SRGAP3: variants seen among roughly 807,000 people sequenced by gnomAD.
The protein encoded by SRGAP3 is SLIT-ROBO Rho GTPase-activating protein 3.
A neutral mutation model predicts 121.1 loss-of-function variants in SRGAP3; 39 were observed. The ratio of observed to expected loss-of-function variants is 0.32; its 90% CI spans 0.25 to 0.42. SRGAP3 has a LOEUF of 0.42. Among genes scored for constraint, SRGAP3 ranks in the 10% least tolerant of loss-of-function variants. The pLI is 1.00. For missense variants in SRGAP3, 1,213 were observed against 1,470.6 expected (o/e 0.82, Z 2.86); for synonymous variants, 601 against 570.0 (o/e 1.05, Z -0.77).
At chr3:9,290,503 C>G (rs1039703464) in intron 3 of SRGAP3, among the ~76,000 whole-genome samples, 2 of 152,132 alleles carry the variant, frequency 1.3e-5, no homozygotes, top group African/African-American at 4.8e-5. Flanking sequence ...ACATTCGAAC[C>G]TTATCCAGTA....
chr3:9,250,758 A>G (rs1029600773), upstream of SRGAP3, among the ~76,000 whole-genome samples: 1 of 152,222 alleles, frequency 6.6e-6, no homozygotes, highest in Non-Finnish European at 1.5e-5. Flanking sequence ...AGATATGGGA[A>G]GTGACTTACC....
chr3:9,079,607 C>T (rs1012453108), intron 4 of SRGAP3, among the ~76,000 whole-genome samples: 3 of 152,196 alleles, frequency 2.0e-5, no homozygotes, highest in African/African-American at 7.2e-5. Flanking sequence ...GAGACCCAGA[C>T]AAACTGCCCA....
In SRGAP3 at chr3:9,058,230, G is replaced by A. The variant is rs371442056; in HGVS notation, c.1023+21C>T. On this transcript the variant is annotated intron_variant, in intron 7 of 21. Transcript: ENST00000383836. ...AACAGAGGGAAGCAGCCCCAAGCCC[G>A]GGCTCCAGGAGGAAGCCTACCTCAT... 4.1e-5 allele frequency: 66 copies of A among 1,612,790 alleles called. No homozygotes were observed. The East Asian group carries it at 6.7e-4, about 16-fold the overall frequency.
At chr3:9,114,707 C>T (rs1230424169) in intron 2 of SRGAP3, among the ~76,000 whole-genome samples, 2 of 152,252 alleles carry the variant, frequency 1.3e-5, no homozygotes, top group Non-Finnish European at 2.9e-5. Flanking sequence ...CAACTCTTTC[C>T]TTGCAAGCCC....
intron 5 of SRGAP3, among the ~76,000 whole-genome samples, chr3:9,063,543 T>C (rs1289584324): frequency 6.6e-6 from 1 of 152,140 alleles, no homozygotes; most frequent in African/African-American, 2.4e-5. Flanking sequence ...TTTGCCATTT[T>C]ACCCAGGCTG....
intron 3 of SRGAP3, among the ~76,000 whole-genome samples, chr3:9,286,518 G>T (rs565434261): frequency 2.0e-5 from 3 of 150,342 alleles, no homozygotes; most frequent in Admixed American, 6.6e-5. Context: ...ATCCAAGATT[G>T]ATCAGTACCT....
At chr3:9,276,502 T>G (rs1379023285) in intron 3 of SRGAP3, among the ~76,000 whole-genome samples, 5 of 151,794 alleles carry the variant, frequency 3.3e-5, no homozygotes, top group Admixed American at 2.0e-4. Flanking sequence ...CTCGGCTCAC[T>G]GCAACCTCTG....
rs561177030 is a variant in SRGAP3, at chr3:9,315,807, T to C, written n.442+10203A>G. Among the ~76,000 whole-genome samples the C allele has an allele frequency of 5.9e-5, 9 of 152,064 alleles. No individual in the cohort carries two copies. The East Asian group carries it at 9.7e-4, about 16-fold the overall frequency. ...TTTTCTACAAAATTTGCTTTCAAGA[T>C]TAAAAAAAAGAATGCAATGCTATTA... On this transcript the variant is annotated intron_variant and non_coding_transcript_variant, in intron 3 of 3. Coordinates refer to the SRGAP3 transcript ENST00000490889.
chr3:9,013,285 T>C (rs529759394), intron 17 of SRGAP3, 23 bp downstream of exon 17: 228 of 1,603,200 alleles, frequency 1.4e-4, no homozygotes, highest in Non-Finnish European at 1.8e-4. Context: ...ATGATAATAA[T>C]ATTAAGAGGA....
chr3:9,145,532 T>C (rs1293896635), intron 1 of SRGAP3, among the ~76,000 whole-genome samples: 1 of 152,228 alleles, frequency 6.6e-6, no homozygotes, highest in Non-Finnish European at 1.5e-5. Flanking sequence ...TATTTCCATA[T>C]TCAATCATTC....
intron 3 of SRGAP3, among the ~76,000 whole-genome samples, chr3:9,099,269 G>A (rs988987888): frequency 2.6e-5 from 4 of 152,060 alleles, no homozygotes; most frequent in Non-Finnish European, 5.9e-5. Context: ...ACATGGCCTC[G>A]CTTCTCTGCA....
chr3:9,278,752 T>G (rs956948457), intron 3 of SRGAP3, among the ~76,000 whole-genome samples: 4 of 152,200 alleles, frequency 2.6e-5, no homozygotes, highest in African/African-American at 9.7e-5. Context: ...TGAATGGGGA[T>G]GTACCAGACT....
At chr3:9,190,262 ATGTCAAAGGC>A (rs1951710747) in intron 1 of SRGAP3, among the ~76,000 whole-genome samples, 2 of 152,218 alleles carry the variant, frequency 1.3e-5, no homozygotes, top group Non-Finnish European at 2.9e-5. Flanking sequence ...AGCCCTGGTG[ATGTCAAAGGC>A]TGCAGAATAA....
At chr3:9,267,626 T>C (rs1954391824) in intron 3 of SRGAP3, among the ~76,000 whole-genome samples, 1 of 152,194 alleles carries the variant, frequency 6.6e-6, no homozygotes, top group African/African-American at 2.4e-5. Context: ...AATGCGACCA[T>C]TGTATTTCCC....
intron 1 of SRGAP3, among the ~76,000 whole-genome samples, chr3:9,188,505 C>T (rs1951665037): frequency 6.6e-6 from 1 of 152,194 alleles, no homozygotes; most frequent in African/African-American, 2.4e-5. Context: ...CAATCATCTG[C>T]CACATATGCC....
chr3:9,013,950 G>C (rs1943501823), intron 15 of SRGAP3, 108 bp from the exon 16 acceptor site: 3 of 975,154 alleles, frequency 3.1e-6, no homozygotes, highest in Admixed American at 3.9e-5. Flanking sequence ...GGGGGAGCCA[G>C]CTCTACTCTT....
At chr3:9,262,341 T>A (rs1034574015) in intron 3 of SRGAP3, among the ~76,000 whole-genome samples, 1 of 151,840 alleles carries the variant, frequency 6.6e-6, no homozygotes, top group Non-Finnish European at 1.5e-5. Flanking sequence ...AATGACAGGA[T>A]CAAATTCACA....
At chr3:9,296,760 G>A (rs1485035242) in intron 3 of SRGAP3, among the ~76,000 whole-genome samples, 2 of 152,238 alleles carry the variant, frequency 1.3e-5, no homozygotes, top group Admixed American at 1.3e-4. Flanking sequence ...AGAATAACAT[G>A]TGTAAAGCAC....
Position 9,060,173 on chromosome 3 carries a change from G to T in SRGAP3, c.801+58C>A, listed in dbSNP as rs776615159. ...AAGACCAGCCCCTCCTTCAGCCAGT[G>T]ACATGTGCCAGCCCTGGTGTGGGCC... On this transcript the variant is annotated intron_variant, in intron 6 of 21. Coordinates refer to ENST00000383836, the MANE Select transcript of SRGAP3 (RefSeq NM_014850.4). The T allele has an allele frequency of 3.5e-5, 56 of 1,612,696 alleles. 1 individual carries two copies. The Middle Eastern group carries it at 6.1e-3, about 176-fold the overall frequency.
Sources: allele counts gnomAD v4.1 joint callset (sites outside exome capture counted in the v4.1 genomes callset), GRCh38; gene constraint gnomAD v4.1.1; transcripts MANE v1.5; gene names NCBI Gene and HGNC (gene_info 2026-07-23, HGNC 2026-07-21).